VPS11: variants seen among roughly 807,000 people sequenced by gnomAD.
VPS11 encodes vacuolar protein sorting-associated protein 11 homolog.
In VPS11, 51 loss-of-function variants were observed where a neutral mutation model predicts 106.8. The observed-to-expected ratio is 0.48, with a 90% CI of 0.38 to 0.60. The LOEUF is 0.60. Ranked by LOEUF, VPS11 falls within the 20% of genes least tolerant of loss-of-function variation. The pLI, the probability that VPS11 is intolerant of heterozygous loss-of-function variation, is 0.00. For missense variants in VPS11, 950 were observed against 1,190.0 expected, an observed-to-expected ratio of 0.80 and a Z score of 2.97; for synonymous variants, 453 against 458.7, an observed-to-expected ratio of 0.99 and a Z score of 0.16.
intron 14 of VPS11, 78 bp downstream of exon 14, chr11:119,079,378 C>T (rs782533292): frequency 1.3e-4 from 190 of 1,455,126 alleles, no homozygotes; most frequent in Non-Finnish European, 1.7e-4. Context: ...AAGTACTTTC[C>T]GTAGAGGATA....
chr11:119,069,031 A>C, intron 1 of VPS11, 165 bp from the exon 2 acceptor site: 2 of 164,886 alleles, frequency 1.2e-5, no homozygotes, highest in African/African-American at 6.0e-5. Flanking sequence ...AAGTGCTGGG[A>C]TTACAGGTGT....
chr11:119,070,144 C>T (rs1945320194), intron 3 of VPS11, 90 bp from the exon 4 acceptor site: 1 of 1,335,572 alleles, frequency 7.5e-7, no homozygotes. Context: ...GAAAGCTTGT[C>T]ACTTCTGAGT....
chr11:119,081,791 TAGTC>T lies in VPS11; in HGVS notation c.*171_*174del. Reference sequence around the variant, plus strand: ...GACTTTCTTTCCCTGCCTTCTTATTTAGTCAGCTTGCCATCCCTCCTCTTCACTA... The same window carrying T: ...GACTTTCTTTCCCTGCCTTCTTATTTAGCTTGCCATCCCTCCTCTTCACTA... On this transcript the variant is annotated 3_prime_UTR_variant, in exon 16 of 16. Coordinates refer to ENST00000621676, the MANE Select transcript of VPS11 (RefSeq NM_021729.6). 4 of 939,468 alleles carry T rather than the reference TAGTC, an allele frequency of 4.3e-6. No homozygotes were observed. The highest frequency in any genetic ancestry group is 6.2e-6 in the Non-Finnish European group (4 of 645,688). 58.2% of individuals were successfully genotyped at this position (939,468 alleles called of 1,614,324 possible).
chr11:119,073,736 C>T, intron 6 of VPS11, 64 bp from the exon 7 acceptor site: 2 of 1,550,738 alleles, frequency 1.3e-6, no homozygotes, highest in Non-Finnish European at 1.8e-6. Context: ...GTTGTGCGCA[C>T]ATTTTGGGAA....
chr11:119,074,072 G>T (rs1448025562), intron 7 of VPS11, 121 bp downstream of exon 7: 8 of 1,275,084 alleles, frequency 6.3e-6, no homozygotes, highest in East Asian at 2.6e-5. Flanking sequence ...TTTGTTTTTG[G>T]TTTTTTGTTT....
intron 4 of VPS11, among the ~76,000 whole-genome samples, chr11:119,071,051 C>A (rs782439668): frequency 6.6e-6 from 1 of 151,782 alleles, no homozygotes; most frequent in Non-Finnish European, 1.5e-5. Flanking sequence ...ACCTCAGCCT[C>A]CTGAGTACGT....
Position 119,069,118 on chromosome 11 carries a change from A to G in VPS11, c.188-78A>G, listed in dbSNP as rs1375693743. On this transcript the variant is annotated intron_variant, in intron 1 of 15. Coordinates refer to ENST00000621676, the MANE Select transcript of VPS11 (RefSeq NM_021729.6). The stretch of plus-strand genomic sequence containing the variant: ...ATCCTTGAAAATTTTAGAGTTATAT[A>G]CATGTAATTGTTATCTGAGTTCTGG... The G allele has an allele frequency of 5.1e-6, 8 of 1,570,924 alleles. No individual in the cohort carries two copies. In the South Asian group the frequency reaches 7.9e-5, roughly 15 times the overall value.
chr11:119,075,064 A>C (rs1408575838), intron 7 of VPS11, among the ~76,000 whole-genome samples: 3 of 151,352 alleles, frequency 2.0e-5, no homozygotes, highest in Non-Finnish European at 4.4e-5. Flanking sequence ...CAGGAGATCG[A>C]GACCATCCTG....
intron 5 of VPS11, 177 bp downstream of exon 5, chr11:119,072,020 G>A: frequency 1.2e-6 from 1 of 800,072 alleles, no homozygotes; most frequent in Non-Finnish European, 1.9e-6. Context: ...ACCCAGGAGT[G>A]CAGTGGCGTG....
intron 9 of VPS11, 94 bp downstream of exon 9, chr11:119,077,741 C>A: frequency 6.5e-7 from 1 of 1,539,434 alleles, no homozygotes; most frequent in Non-Finnish European, 8.8e-7. Flanking sequence ...TCCTCCCACC[C>A]CATCCTCCTG....
At chr11:119,080,482 C>A (rs1429535479) in intron 14 of VPS11, among the ~76,000 whole-genome samples, 2 of 152,082 alleles carry the variant, frequency 1.3e-5, no homozygotes, top group African/African-American at 4.8e-5. Context: ...GATTCTCCTG[C>A]CTTGGCCCCC....
At chr11:119,071,956 G>T in intron 5 of VPS11, 113 bp downstream of exon 5, 2 of 1,366,036 alleles carry the variant, frequency 1.5e-6, no homozygotes, top group Non-Finnish European at 9.9e-7. Flanking sequence ...CTACTCCGGT[G>T]TTATGTAGGT....
chr11:119,076,504 C>G (rs2134781981), intron 7 of VPS11, among the ~76,000 whole-genome samples: 1 of 149,118 alleles, frequency 6.7e-6, no homozygotes, highest in South Asian at 2.1e-4. Flanking sequence ...CCAGCCTGGG[C>G]AACAGGAGCG....
At chr11:119,074,988 C>T (rs1001834005) in intron 7 of VPS11, among the ~76,000 whole-genome samples, 1 of 152,106 alleles carries the variant, frequency 6.6e-6, no homozygotes, top group Non-Finnish European at 1.5e-5. Flanking sequence ...CTAAGGTGGC[C>T]GGGCGCGGTA....
Position 119,071,855 on chromosome 11 carries a change from G to A in VPS11, c.884+12G>A. On this transcript the variant is annotated intron_variant, in intron 5 of 15. Coordinates refer to ENST00000621676, the MANE Select transcript of VPS11 (RefSeq NM_021729.6). ...AAGGTTTCTCCCAAGTAAGGACTCAGTGAGAAGGGACAGGGAGAGGGCTGG... is the reference window on the plus strand; with the variant it reads ...AAGGTTTCTCCCAAGTAAGGACTCAATGAGAAGGGACAGGGAGAGGGCTGG... 6.2e-7 allele frequency: 1 copy of A among 1,609,096 alleles called. No homozygotes were observed. Among genetic ancestry groups the A allele is most frequent in the Non-Finnish European group, 8.5e-7 (1 of 1,175,996 alleles).
chr11:119,080,969 C>T, intron 14 of VPS11, 123 bp from the exon 15 acceptor site: 8 of 810,116 alleles, frequency 9.9e-6, no homozygotes, highest in Non-Finnish European at 1.7e-5. Flanking sequence ...AAGAGCAGGG[C>T]AGGGCCTTCA....
chr11:119,076,711 G>A (rs1345528822), intron 7 of VPS11, 186 bp from the exon 8 acceptor site: 1 of 652,500 alleles, frequency 1.5e-6, no homozygotes, highest in Non-Finnish European at 2.6e-6. Flanking sequence ...TTGTTACCCA[G>A]TGTGGTCCAC....
Position 119,073,769 on chromosome 11 carries a change from T to C in VPS11, c.1087-31T>C, listed in dbSNP as rs782391322. ...GAAAGTGTCTTCCCAGGACCACTTC[T>C]ACCAATTTTCTAATCTCTCTTCCCT... On this transcript the variant is annotated intron_variant, in intron 6 of 15. Transcript: ENST00000621676. The C allele has an allele frequency of 8.2e-6, 13 of 1,594,632 alleles. No homozygotes were observed. In the Admixed American group the frequency reaches 2.2e-4, roughly 27 times the overall value.
Position 119,079,311 on chromosome 11 carries a change from C to T in VPS11, c.2438+11C>T, listed in dbSNP as rs782325485. On this transcript the variant is annotated intron_variant, in intron 14 of 15. Coordinates refer to ENST00000621676, the MANE Select transcript of VPS11 (RefSeq NM_021729.6). ...AGAGCTCAAGGCCAGGTACCCGGGG[C>T]ATGGATATGTGGAGGAGTCCAGGGG... The T allele has an allele frequency of 3.2e-6, 5 of 1,578,132 alleles. No homozygotes were observed. The African/African-American group carries it at 5.4e-5, about 17-fold the overall frequency.
Sources: gnomAD v4.1 joint callset for allele counts (sites outside exome capture counted in the v4.1 genomes callset) on GRCh38, gnomAD v4.1.1 for gene constraint, MANE v1.5 for transcripts, NCBI Gene and HGNC (gene_info 2026-07-23, HGNC 2026-07-21) for gene names.